Variants in BRINP3 observed in about 807,000 individuals in gnomAD.
The protein encoded by BRINP3 is BMP/retinoic acid-inducible neural-specific protein 3.
A neutral mutation model predicts 71.0 loss-of-function variants in BRINP3; 19 were observed. The ratio of observed to expected loss-of-function variants is 0.27; its 90% CI spans 0.19 to 0.39. The LOEUF is 0.39. Ranked by LOEUF, BRINP3 falls within the 10% of genes least tolerant of loss-of-function variation. The pLI is 1.00. For synonymous variants in BRINP3, 380 were observed against 337.7 expected (o/e 1.13, Z -1.37); for missense variants, 959 against 940.8 (o/e 1.02, Z -0.25).
intron 2 of BRINP3, among the ~76,000 whole-genome samples, chr1:190,343,309 A>G (rs372834941): frequency 2.0e-5 from 3 of 151,824 alleles, no homozygotes; most frequent in Non-Finnish European, 3.0e-5. Context: ...GTTTAAGGCT[A>G]GAGTTTGAGA....
intron 3 of BRINP3, among the ~76,000 whole-genome samples, chr1:190,268,716 A>T (rs186738169): frequency 6.2e-4 from 94 of 152,240 alleles, no homozygotes; most frequent in African/African-American, 2.1e-3. Flanking sequence ...GGTACAAGCA[A>T]ATAATAAAAA....
intron 2 of BRINP3, among the ~76,000 whole-genome samples, chr1:190,388,722 TACA>T (rs571674774): frequency 7.9e-5 from 12 of 151,880 alleles, no homozygotes; most frequent in Non-Finnish European, 1.8e-4. Context: ...GATAATTTAT[TACA>T]ACATCTCTAA....
chr1:190,147,520 A>T (rs952509462), intron 7 of BRINP3, among the ~76,000 whole-genome samples: 2 of 152,192 alleles, frequency 1.3e-5, no homozygotes, highest in Non-Finnish European at 2.9e-5. Context: ...CAATTCACTA[A>T]GCAGAAAATT....
chr1:190,270,008 G>A (rs977645612), intron 3 of BRINP3, among the ~76,000 whole-genome samples: 7 of 151,780 alleles, frequency 4.6e-5, no homozygotes, highest in Admixed American at 2.0e-4. Flanking sequence ...ACAACCATAC[G>A]GTAGAACACT....
At position 190,099,130 on chromosome 1, in the gene BRINP3, A is replaced by G. The variant is rs754129370; in HGVS notation, c.1189T>C (p.Ser397Pro). The G allele has an allele frequency of 6.2e-7, 1 of 1,612,156 alleles. No individual in the cohort carries two copies. The highest frequency in any genetic ancestry group is 8.5e-7 in the Non-Finnish European group (1 of 1,178,644). The part of the protein sequence containing the change: ...PLISLPRQRT[S>P]TYWLTRIQSF... ...TGGATGCGAGTAAGCCAGTAGGTTGAGGTTCTAGAAATACAAAACAGAACG... is the reference window on the plus strand; with the variant it reads ...TGGATGCGAGTAAGCCAGTAGGTTGGGGTTCTAGAAATACAAAACAGAACG... Residue 397 changes from serine (S) to proline (P), a missense_variant, in exon 8 of 8, where the codon TCA (serine) becomes CCA (proline). Transcript: ENST00000367462.
At chr1:190,209,643 C>A (rs867128950) in intron 6 of BRINP3, among the ~76,000 whole-genome samples, 2 of 152,060 alleles carry the variant, frequency 1.3e-5, no homozygotes, top group South Asian at 2.1e-4. Flanking sequence ...AATATTTGCT[C>A]AGTACTTTAA....
intron 2 of BRINP3, among the ~76,000 whole-genome samples, chr1:190,401,788 G>A (rs1671946171): frequency 6.6e-6 from 1 of 152,148 alleles, no homozygotes; most frequent in Admixed American, 6.5e-5. Flanking sequence ...ACATACACAT[G>A]TAGTTGTCCA....
At chr1:190,164,838 G>A (rs1366003700) in intron 6 of BRINP3, among the ~76,000 whole-genome samples, 3 of 151,546 alleles carry the variant, frequency 2.0e-5, no homozygotes, top group African/African-American at 4.9e-5. Flanking sequence ...GACCCAAAAC[G>A]CTGGAGTTTC....
At chr1:190,395,863 G>C (rs986034657) in intron 2 of BRINP3, among the ~76,000 whole-genome samples, 5 of 151,638 alleles carry the variant, frequency 3.3e-5, no homozygotes, top group Admixed American at 3.3e-4. Context: ...AACACCATTT[G>C]TTTTCCTTCT....
intron 7 of BRINP3, among the ~76,000 whole-genome samples, chr1:190,127,910 C>G (rs1654221266): frequency 6.6e-6 from 1 of 151,694 alleles, no homozygotes; most frequent in African/African-American, 2.4e-5. Context: ...ATCTAGTTCA[C>G]TATTTCAACT....
chr1:190,460,215 T>G (rs1409235598), intron 1 of BRINP3, among the ~76,000 whole-genome samples: 1 of 150,970 alleles, frequency 6.6e-6, no homozygotes, highest in Admixed American at 6.6e-5. Context: ...TACATATTAT[T>G]CTATTAAATC....
intron 4 of BRINP3, among the ~76,000 whole-genome samples, chr1:190,260,282 G>C (rs1661071133): frequency 6.6e-6 from 1 of 151,952 alleles, no homozygotes; most frequent in Non-Finnish European, 1.5e-5. Flanking sequence ...TTTGCAAAGA[G>C]AATAGATTCT....
At chr1:190,415,195 CAT>C (rs1397543683) in intron 2 of BRINP3, among the ~76,000 whole-genome samples, 2 of 152,152 alleles carry the variant, frequency 1.3e-5, no homozygotes, top group Non-Finnish European at 2.9e-5. Context: ...TCTCCTCTAA[CAT>C]AGCATCTGCA....
chr1:190,306,560 T>TG (rs1164068059), intron 2 of BRINP3, among the ~76,000 whole-genome samples: 1 of 151,712 alleles, frequency 6.6e-6, no homozygotes, highest in African/African-American at 2.4e-5. Flanking sequence ...GGTGTGGAGG[T>TG]GGGGGTATAA....
intron 7 of BRINP3, among the ~76,000 whole-genome samples, chr1:190,140,505 TATTA>T (rs1558001800): frequency 6.6e-6 from 1 of 152,174 alleles, no homozygotes; most frequent in Non-Finnish European, 1.5e-5. Flanking sequence ...ATAAACCTAC[TATTA>T]ATTATTAATC....
chr1:190,318,540 A>ATTT (rs1666032999), intron 2 of BRINP3, among the ~76,000 whole-genome samples: 1 of 152,150 alleles, frequency 6.6e-6, no homozygotes, highest in South Asian at 2.1e-4. Context: ...TTATAGGCTA[A>ATTT]AGCTTCTTCT....
At chr1:190,232,025 T>C (rs1658041238) in intron 5 of BRINP3, among the ~76,000 whole-genome samples, 1 of 151,930 alleles carries the variant, frequency 6.6e-6, no homozygotes, top group Admixed American at 6.6e-5. Flanking sequence ...ATATCTAAAT[T>C]CAGAAGATTC....
chr1:190,394,638 A>G (rs1671455337), intron 2 of BRINP3, among the ~76,000 whole-genome samples: 1 of 151,666 alleles, frequency 6.6e-6, no homozygotes, highest in Non-Finnish European at 1.5e-5. Context: ...ATAGCAAAAA[A>G]GATAAAGATA....
At chr1:190,302,026 G>A (rs1664776295) in intron 2 of BRINP3, among the ~76,000 whole-genome samples, 1 of 151,224 alleles carries the variant, frequency 6.6e-6, no homozygotes, top group Admixed American at 6.6e-5. Context: ...TATGTTAAAA[G>A]CAAAACTGGG....
Sources: gnomAD v4.1 joint callset for allele counts (sites outside exome capture counted in the v4.1 genomes callset) on GRCh38, gnomAD v4.1.1 for gene constraint, MANE v1.5 for transcripts, NCBI Gene and HGNC (gene_info 2026-07-23, HGNC 2026-07-21) for gene names.